HAUS5: variants seen among roughly 807,000 people sequenced by gnomAD.
HAUS5 encodes the protein HAUS augmin-like complex subunit 5.
Under a neutral mutation model 94.1 loss-of-function variants are expected in HAUS5, and 67 were observed. The ratio of observed to expected loss-of-function variants is 0.71; its 90% CI spans 0.58 to 0.87. HAUS5 has a LOEUF of 0.87. HAUS5 is among the 40% of genes least tolerant of loss of function. The pLI is 0.00. For missense variants in HAUS5, 739 were observed against 825.6 expected (o/e 0.90, Z 1.29); for synonymous variants, 339 against 355.4 (o/e 0.95, Z 0.52).
intron 1 of HAUS5, among the ~76,000 whole-genome samples, chr19:35,613,212 G>A (rs1368386664): frequency 6.6e-6 from 1 of 152,188 alleles, no homozygotes; most frequent in Non-Finnish European, 1.5e-5. Flanking sequence ...CCCCATCGGG[G>A]ATTGAAGCTG....
chr19:35,615,385 A>G lies in HAUS5; in HGVS notation c.484A>G (p.Arg162Gly). The change falls in exon 6 of 19, where the codon AGG (arginine) becomes GGG (glycine). Residue 162 changes from arginine (R) to glycine (G), a missense_variant and splice_region_variant. Physicochemically the swap from Arg to Gly is moderately radical, Grantham distance 125. Coordinates refer to ENST00000203166, the MANE Select transcript of HAUS5 (RefSeq NM_015302.2). Reference protein sequence around the residue: ...NQLRRLQDMERKAKVDVTFGS... With the variant: ...NQLRRLQDMEGKAKVDVTFGS... Reference sequence around the variant, plus strand: ...ACTGAGGCGCCTGCAGGACATGGAGAGGTGGGCCTCAGGGACCCACCCTCA... The same window carrying G: ...ACTGAGGCGCCTGCAGGACATGGAGGGGTGGGCCTCAGGGACCCACCCTCA... 1 of 1,605,034 alleles carries G rather than the reference A, an allele frequency of 6.2e-7. No homozygotes were observed. Among genetic ancestry groups the G allele is most frequent in the East Asian group, 2.3e-5 (1 of 44,384 alleles).
intron 17 of HAUS5, among the ~76,000 whole-genome samples, chr19:35,620,943 C>A (rs1967200590): frequency 6.6e-6 from 1 of 152,168 alleles, no homozygotes; most frequent in Admixed American, 6.5e-5. Flanking sequence ...TTAAGAACCC[C>A]AGTTTACAGA....
At chr19:35,618,332 T>C in intron 10 of HAUS5, 70 bp from the exon 11 acceptor site, 3 of 1,606,802 alleles carry the variant, frequency 1.9e-6, no homozygotes, top group Non-Finnish European at 2.5e-6. Flanking sequence ...GCAGGACTGA[T>C]ACTGTCCACC....
At position 35,625,142 on chromosome 19, in the gene HAUS5, GATAAA is replaced by G. The variant is rs1291115246; in HGVS notation, c.*2153_*2157del. 6.6e-6 allele frequency: 1 copy of G among 151,988 alleles called. No homozygotes were observed. Among genetic ancestry groups the G allele is most frequent in the African/African-American group, 2.4e-5 (1 of 41,374 alleles). 9.4% of individuals were successfully genotyped at this position (151,988 alleles called of 1,614,324 possible). On this transcript the variant is annotated 3_prime_UTR_variant, in exon 19 of 19. Coordinates refer to ENST00000203166, the MANE Select transcript of HAUS5 (RefSeq NM_015302.2). ...GTAATAACACTGGCATTTTTATTTT[GATAAA>G]ATAGACCGTTTAAATTTTTGAGATT...
At position 35,618,389 on chromosome 19, in the gene HAUS5, T is replaced by TAC; in HGVS notation, c.822-13_822-12insAC. On this transcript the variant is annotated splice_polypyrimidine_tract_variant and intron_variant, in intron 10 of 18. Coordinates refer to ENST00000203166, the MANE Select transcript of HAUS5 (RefSeq NM_015302.2). Reference sequence around the variant, plus strand: ...GCAGCACGGCTCCCTCAGCAGCTCTTCCCCCACCCCAGACCCCAGGCCCCG... The same window carrying TAC: ...GCAGCACGGCTCCCTCAGCAGCTCTTACCCCCCACCCCAGACCCCAGGCCCCG... The TAC allele has an allele frequency of 1.9e-6, 3 of 1,602,632 alleles. No homozygotes were observed. Among genetic ancestry groups the TAC allele is most frequent in the East Asian group, 2.2e-5 (1 of 44,734 alleles).
chr19:35,613,876 A>G lies in HAUS5; in HGVS notation c.170A>G (p.Lys57Arg). Residue 57 changes from lysine to arginine, a missense_variant, in exon 3 of 19, where the codon AAG becomes AGG. Lys to Arg is a conservative substitution (Grantham distance 26, BLOSUM62 2). Coordinates refer to ENST00000203166, the MANE Select transcript of HAUS5 (RefSeq NM_015302.2). ...CTGCCTCTGCACTGTAGGACTGTCA[A>G]GAAGATCCGGGGAAACCTACTCTGG... ...LQHVHSQRTV[K>R]KIRGNLLWYG... 3.1e-6 allele frequency: 5 copies of G among 1,614,188 alleles called. No homozygotes were observed. The highest frequency in any genetic ancestry group is 1.3e-5 in the African/African-American group (1 of 75,042).
In HAUS5 at chr19:35,613,557, C is replaced by A. The variant is rs1472466856; in HGVS notation, c.99-173C>A. 1.5e-5 allele frequency: 9 copies of A among 587,570 alleles called. No homozygotes were observed. In the African/African-American group the frequency reaches 1.9e-4, roughly 12 times the overall value. 36.4% of individuals were successfully genotyped at this position (587,570 alleles called of 1,614,324 possible). A position where few individuals can be genotyped will look rare whatever the true frequency, so the allele number is the denominator to read the frequency against. ...CTATGATCGTACCACTGCGACAGAG[C>A]GAGACTGTCTCTTAAAAAAAAAAAA... On this transcript the variant is annotated intron_variant, in intron 1 of 18. Transcript: ENST00000203166.
At position 35,615,199 on chromosome 19, in the gene HAUS5, C is replaced by G. The variant is rs753017919; in HGVS notation, c.326-28C>G. 4.3e-5 allele frequency: 69 copies of G among 1,612,630 alleles called. 1 individual carries two copies. Among genetic ancestry groups the G allele is most frequent in the Non-Finnish European group, 1.7e-6 (2 of 1,179,250 alleles). ...ACCAGAATGTGGGGCGGGAAAGGTG[C>G]TGATGGCCACCCCTGTTCCTCCCAC... On this transcript the variant is annotated intron_variant, in intron 5 of 18. Coordinates refer to ENST00000203166, the MANE Select transcript of HAUS5 (RefSeq NM_015302.2).
chr19:35,613,791 AG>A lies in HAUS5; in HGVS notation c.161+1del. 6.2e-7 allele frequency: 1 copy of A among 1,614,118 alleles called. No individual in the cohort carries two copies. The highest frequency in any genetic ancestry group is 8.5e-7 in the Non-Finnish European group (1 of 1,179,988). ...AYILQHVHSQ[R>X]TVKKIRGNLL... Reference sequence around the variant, plus strand: ...CATCTTGCAGCATGTGCACAGTCAGAGGTAAGCTGGGCTAGAGCAGGGGAGG... The same window carrying A: ...CATCTTGCAGCATGTGCACAGTCAGAGTAAGCTGGGCTAGAGCAGGGGAGG... On this transcript the variant is annotated frameshift_variant and splice_region_variant, in exon 2 of 19. Transcript: ENST00000203166. LOFTEE classifies it high-confidence loss of function.
rs149590428 is a variant in HAUS5 at position 35,615,073 on chromosome 19, T to C, written c.251T>C (p.Val84Ala). 75 of 1,603,286 alleles carry C rather than the reference T, an allele frequency of 4.7e-5. No individual in the cohort carries two copies. The African/African-American group carries it at 9.0e-4, about 19-fold the overall frequency. The part of the protein sequence containing the change: ...VRRKLELEAA[V>A]TRLRAEIQEL... ...CGGAAGTTAGAGCTGGAAGCTGCTGTGACCCGCCTGCGGGCAGAAATCCAG... is the reference window on the plus strand; with the variant it reads ...CGGAAGTTAGAGCTGGAAGCTGCTGCGACCCGCCTGCGGGCAGAAATCCAG... Residue 84 changes from valine (V) to alanine (A), a missense_variant, in exon 5 of 19, where the codon GTG becomes GCG. Val to Ala is a moderately conservative substitution (Grantham distance 64, BLOSUM62 0). Transcript: ENST00000203166.
At position 35,615,326 on chromosome 19, in the gene HAUS5, C is replaced by A. The variant is rs71353000; in HGVS notation, c.425C>A (p.Thr142Lys). 1 of 1,613,070 alleles carries A rather than the reference C, an allele frequency of 6.2e-7. No individual in the cohort carries two copies. Among genetic ancestry groups the A allele is most frequent in the Non-Finnish European group, 8.5e-7 (1 of 1,179,642 alleles). ...GGGGCCATGCGAAGACAGCAGCATA[C>A]GCTCCGAGATCCCATGCAGCGGCTG... ...QAGAMRRQQHTLRDPMQRLQN... is the reference protein window; with the variant it reads ...QAGAMRRQQHKLRDPMQRLQN... The change falls in exon 6 of 19, where the codon ACG (threonine) becomes AAG (lysine). Residue 142 changes from threonine to lysine, a missense_variant. Coordinates refer to ENST00000203166, the MANE Select transcript of HAUS5 (RefSeq NM_015302.2).
chr19:35,614,223 C>A (rs978515765), intron 4 of HAUS5, 164 bp downstream of exon 4: 1 of 686,094 alleles, frequency 1.5e-6, no homozygotes, highest in South Asian at 1.7e-5. Context: ...ACAGCATTAG[C>A]TCAGCCAGGT....
intron 15 of HAUS5, 43 bp downstream of exon 15, chr19:35,619,801 A>T: frequency 6.6e-7 from 1 of 1,511,270 alleles, no homozygotes; most frequent in Non-Finnish European, 8.9e-7. Flanking sequence ...ATCCCCTGCC[A>T]TGGGTGACTG....
Position 35,622,588 on chromosome 19 carries a change from T to C in HAUS5, c.1652-13T>C, listed in dbSNP as rs368778744. 18 of 1,612,000 alleles carry C rather than the reference T, an allele frequency of 1.1e-5. No homozygotes were observed. The highest frequency in any genetic ancestry group is 1.4e-5 in the Non-Finnish European group (17 of 1,179,358). On this transcript the variant is annotated splice_polypyrimidine_tract_variant and intron_variant, in intron 17 of 18. Transcript: ENST00000203166. ...GAGGACTCAAAGCTGCCTCCTGGCT[T>C]TCTCACCCTCAGAGCTGCTGCAGAT...
intron 17 of HAUS5, 75 bp from the exon 18 acceptor site, chr19:35,622,526 A>T (rs1475648323): frequency 1.1e-5 from 17 of 1,487,950 alleles, no homozygotes; most frequent in Admixed American, 1.9e-5. Context: ...GGGACTGGAG[A>T]ATTGGGGACT....
rs1219353471 is a variant in HAUS5, at chr19:35,625,059, C to G, written c.*2066C>G. The G allele has an allele frequency of 6.6e-6, 1 of 152,190 alleles. No individual in the cohort carries two copies. Among genetic ancestry groups the G allele is most frequent in the South Asian group, 2.1e-4 (1 of 4,824 alleles). The allele number at this position is 152,190 out of a possible 1,614,324, so 9.4% of individuals were successfully genotyped here. A position where few individuals can be genotyped will look rare whatever the true frequency, so the allele number is the denominator to read the frequency against. ...CTCTCTCCTCATCACAGTTCCCAGC[C>G]CCCACCTTCAACTGAACTCAACAAA... is the stretch of plus-strand genomic sequence containing the variant. On this transcript the variant is annotated 3_prime_UTR_variant, in exon 19 of 19. Transcript: ENST00000203166.
rs1967245866 is a variant in HAUS5 at position 35,623,218 on chromosome 19, G to C, written c.*225G>C. 1.5e-5 allele frequency: 8 copies of C among 540,244 alleles called. No individual in the cohort carries two copies. Among genetic ancestry groups the C allele is most frequent in the Non-Finnish European group, 2.6e-5 (8 of 304,698 alleles). The allele number at this position is 540,244 out of a possible 1,614,324, so 33.5% of individuals were successfully genotyped here. On this transcript the variant is annotated 3_prime_UTR_variant, in exon 19 of 19. Transcript: ENST00000203166. ...AACCCCTTCATCACTTTCATTCTCA[G>C]CAAAAAGTAATTGAGCACCTCCTCT...
intron 8 of HAUS5, 70 bp downstream of exon 8, chr19:35,617,439 A>G (rs1599595738): frequency 9.9e-7 from 1 of 1,010,586 alleles, no homozygotes; most frequent in East Asian, 2.4e-5. Flanking sequence ...TTATTTATTA[A>G]TTCCTCAGAC....
intron 6 of HAUS5, among the ~76,000 whole-genome samples, chr19:35,616,540 C>A (rs572369888): frequency 1.1e-4 from 17 of 152,098 alleles, no homozygotes; most frequent in African/African-American, 4.1e-4. Flanking sequence ...TTTTTTGAGA[C>A]AGAGTCTGGC....
Sources: gnomAD v4.1 joint callset for allele counts (sites outside exome capture counted in the v4.1 genomes callset) on GRCh38, gnomAD v4.1.1 for gene constraint, MANE v1.5 for transcripts, NCBI Gene and HGNC (gene_info 2026-07-23, HGNC 2026-07-21) for gene names.